The following SFRP5 variants were observed in gnomAD, a reference collection of about 807,000 sequenced individuals.
The protein encoded by SFRP5 is secreted frizzled-related protein 5.
A neutral mutation model predicts 27.0 loss-of-function variants in SFRP5; 22 were observed. The observed-to-expected ratio is 0.82, with a 90% confidence interval of 0.58 to 1.17. The LOEUF (loss-of-function observed/expected upper bound fraction) is 1.17, where lower values mean the gene tolerates loss of function less well. Ranked by LOEUF, SFRP5 falls within the 50% of genes most tolerant of loss-of-function variation. The probability of loss-of-function intolerance (pLI) is 0.00; values close to 1 mark genes in which losing one functional copy is unlikely to be tolerated. For missense variants in SFRP5, 406 were observed against 436.6 expected, an observed-to-expected ratio of 0.93 and a Z score of 0.63; for synonymous variants, 171 against 195.0, an observed-to-expected ratio of 0.88 and a Z score of 1.03.
In SFRP5 at chr10:97,771,901, C is replaced by G. The variant is rs1374546873; in HGVS notation, c.-68G>C. ...CTCGGTGCCCGGCGGCCCAGGTGTT[C>G]CGGCGTGCGCCCCCGGCCCTGACTC... is the stretch of plus-strand genomic sequence containing the variant. On this transcript the variant is annotated 5_prime_UTR_variant, in exon 1 of 3. Coordinates refer to ENST00000266066, the MANE Select transcript of SFRP5 (RefSeq NM_003015.3). The surrounding 1 kb of genome is among the most constrained non-coding windows in gnomAD (Gnocchi z 5.2). 1.0e-6 allele frequency: 1 copy of G among 986,432 alleles called. No individual in the cohort carries two copies. The highest frequency in any genetic ancestry group is 1.2e-6 in the Non-Finnish European group (1 of 827,632). The allele number at this position is 986,432 out of a possible 1,614,324, so 61.1% of individuals were successfully genotyped here.
rs35379499 is a variant in SFRP5, at chr10:97,767,816, G to C, written c.652C>G (p.Arg218Gly). ...TTTTTCTGGGCTCCAATCAGCTTCCGGTCCCCATTCTCTATCTTGATCTCC... is the reference window on the plus strand; with the variant it reads ...TTTTTCTGGGCTCCAATCAGCTTCCCGTCCCCATTCTCTATCTTGATCTCC... ...IKEIKIENGD[R>G]KLIGAQKKKK... is the part of the protein sequence containing the mutation. The change falls in exon 3 of 3, where the codon CGG becomes GGG. Residue 218 changes from arginine to glycine, a missense_variant. Physicochemically the swap from Arg to Gly is moderately radical, Grantham distance 125. Coordinates refer to ENST00000266066, the MANE Select transcript of SFRP5 (RefSeq NM_003015.3). 1 of 1,538,424 alleles carries C rather than the reference G, an allele frequency of 6.5e-7. No homozygotes were observed. Among genetic ancestry groups the C allele is most frequent in the Non-Finnish European group, 8.7e-7 (1 of 1,147,234 alleles).
In SFRP5 at chr10:97,771,274, G is replaced by C. The variant is rs1015953864; in HGVS notation, c.529+31C>G. ...TGCTAGGGGAGCTGCAGGGCCGTCG[G>C]AGCGCGCGGGGACGGCGGCGGCGGC... On this transcript the variant is annotated intron_variant, in intron 1 of 2. Transcript: ENST00000266066. This position sits in a 1 kb window ranked among gnomAD's most constrained non-coding sequence, Gnocchi z 5.2. The C allele has an allele frequency of 6.8e-7, 1 of 1,474,186 alleles. No homozygotes were observed. Among genetic ancestry groups the C allele is most frequent in the Admixed American group, 2.3e-5 (1 of 44,260 alleles). 91.3% of individuals were successfully genotyped at this position (1,474,186 alleles called of 1,614,324 possible).
In SFRP5 at chr10:97,771,492, G is replaced by T. The variant is rs377065101; in HGVS notation, c.342C>A (p.Pro114=). Residue 114 remains proline (P), a synonymous_variant, in exon 1 of 3, where the codon CCC becomes CCA. Coordinates refer to ENST00000266066, the MANE Select transcript of SFRP5 (RefSeq NM_003015.3). The surrounding 1 kb of genome is among the most constrained non-coding windows in gnomAD (Gnocchi z 5.2). ...TQVFLCSLFA[P]VCLDRPIYPC... is the part of the protein sequence containing the mutation. ...GGTAGATGGGCCGGTCGAGACAGAC[G>T]GGCGCAAAGAGCGAGCACAGGAAGA... The T allele has an allele frequency of 4.3e-6, 7 of 1,610,696 alleles. No homozygotes were observed. Among genetic ancestry groups the T allele is most frequent in the African/African-American group, 4.0e-5 (3 of 74,794 alleles).
At chr10:97,767,966 A>G (rs929447441) in intron 2 of SFRP5, 106 bp from the exon 3 acceptor site, 1 of 781,160 alleles carries the variant, frequency 1.3e-6, no homozygotes, top group African/African-American at 1.7e-5. Flanking sequence ...GGGGAGCCTG[A>G]TGCCCTGCGG....
intron 2 of SFRP5, among the ~76,000 whole-genome samples, chr10:97,769,347 T>A (rs1319154326): frequency 6.6e-6 from 1 of 152,184 alleles, no homozygotes; most frequent in Admixed American, 6.5e-5. Flanking sequence ...AAGCCTGCAC[T>A]ATCCACAGAG....
In SFRP5 at chr10:97,770,129, C is replaced by T. The variant is rs533560494; in HGVS notation, c.530-384G>A. Reference sequence around the variant, plus strand: ...TCACCCAGGCTGGAGTGCAGTGGCTCTCTAATCTCAGCTTACTGCAACCTC... The same window carrying T: ...TCACCCAGGCTGGAGTGCAGTGGCTTTCTAATCTCAGCTTACTGCAACCTC... On this transcript the variant is annotated intron_variant, in intron 1 of 2. Coordinates refer to ENST00000266066, the MANE Select transcript of SFRP5 (RefSeq NM_003015.3). Among the ~76,000 whole-genome samples, 8 of 152,354 alleles carry T rather than the reference C, an allele frequency of 5.3e-5. No homozygotes were observed. The East Asian group carries it at 1.4e-3, about 26-fold the overall frequency.
Position 97,767,706 on chromosome 10 carries a change from G to C in SFRP5, c.762C>G (p.Pro254=). ...VLHMKNGAGC[P]CPQLDSLAGS... ...CCGCCAGGCTGTCCAGCTGTGGGCA[G>C]GGGCAGCCCGCGCCATTCTTCATGT... The change falls in exon 3 of 3, where the codon CCC becomes CCG. Residue 254 remains proline, a synonymous_variant. Transcript: ENST00000266066. 21 of 1,613,990 alleles carry C rather than the reference G, an allele frequency of 1.3e-5. No homozygotes were observed. The highest frequency in any genetic ancestry group is 1.6e-5 in the Non-Finnish European group (19 of 1,179,940).
intron 2 of SFRP5, among the ~76,000 whole-genome samples, 197 bp from the exon 3 acceptor site, chr10:97,768,057 A>G (rs1288031090): frequency 2.0e-5 from 3 of 152,098 alleles, no homozygotes; most frequent in Admixed American, 1.3e-4. Context: ...GGACAGCATC[A>G]CGTTTCATCC....
At chr10:97,767,949 CG>C in intron 2 of SFRP5, 89 bp from the exon 3 acceptor site, 3 of 959,620 alleles carry the variant, frequency 3.1e-6, no homozygotes, top group Non-Finnish European at 4.6e-6. Flanking sequence ...TCTGGACCTT[CG>C]GGCTGGGGGA....
Position 97,771,671 on chromosome 10 carries a change from C to A in SFRP5, c.163G>T (p.Asp55Tyr). The change falls in exon 1 of 3, where the codon GAC (aspartate) becomes TAC (tyrosine). Residue 55 changes from aspartate (D) to tyrosine (Y), a missense_variant. Transcript: ENST00000266066. This position sits in a 1 kb window ranked among gnomAD's most constrained non-coding sequence, Gnocchi z 5.2. Reference sequence around the variant, plus strand: ...CAGAGCGGCAGGTCGGCAGGGATGTCAAGGCACTGCGGCGGCTTGGAGTAG... The same window carrying A: ...CAGAGCGGCAGGTCGGCAGGGATGTAAAGGCACTGCGGCGGCTTGGAGTAG... ...RSYSKPPQCL[D>Y]IPADLPLCHT... 1 of 1,602,276 alleles carries A rather than the reference C, an allele frequency of 6.2e-7. No individual in the cohort carries two copies.
At chr10:97,770,802 A>G (rs2049510658) in intron 1 of SFRP5, among the ~76,000 whole-genome samples, 2 of 152,094 alleles carry the variant, frequency 1.3e-5, no homozygotes, top group Non-Finnish European at 2.9e-5. Flanking sequence ...AGTCCAGAAC[A>G]TTCTTAGTCC....
Position 97,771,634 on chromosome 10 carries a change from C to T in SFRP5, c.200G>A (p.Gly67Asp), listed in dbSNP as rs777473084. 8.7e-6 allele frequency: 14 copies of T among 1,608,114 alleles called. No individual in the cohort carries two copies. The highest frequency in any genetic ancestry group is 1.1e-5 in the Non-Finnish European group (13 of 1,179,666). Residue 67 changes from glycine (G) to aspartate (D), a missense_variant, in exon 1 of 3, where the codon GGC becomes GAC. Gly to Asp is a moderately conservative substitution (Grantham distance 94, BLOSUM62 -1). Coordinates refer to ENST00000266066, the MANE Select transcript of SFRP5 (RefSeq NM_003015.3). The surrounding 1 kb of genome is among the most constrained non-coding windows in gnomAD (Gnocchi z 5.2). ...PADLPLCHTVGYKRMRLPNLL... is the reference protein window; with the variant it reads ...PADLPLCHTVDYKRMRLPNLL... The stretch of plus-strand genomic sequence containing the variant: ...GTTGGGCAGCCGCATGCGCTTGTAG[C>T]CCACCGTGTGGCAGAGCGGCAGGTC...
chr10:97,768,506 G>T (rs1404108983), intron 2 of SFRP5, among the ~76,000 whole-genome samples: 1 of 152,186 alleles, frequency 6.6e-6, no homozygotes, highest in Non-Finnish European at 1.5e-5. Flanking sequence ...ATGACTGGGT[G>T]TGGAGCTGGG....
rs1453710923 is a variant in SFRP5, at chr10:97,771,162, G to A, written c.529+143C>T. On this transcript the variant is annotated intron_variant, in intron 1 of 2. Transcript: ENST00000266066. This position sits in a 1 kb window ranked among gnomAD's most constrained non-coding sequence, Gnocchi z 5.2. The stretch of plus-strand genomic sequence containing the variant: ...GGGAAGGCTGCGGGGGATAATTCCG[G>A]GGACGCTGGGCTGAGCTAGGACAGC... 2 of 578,564 alleles carry A rather than the reference G, an allele frequency of 3.5e-6. No homozygotes were observed. Among genetic ancestry groups the A allele is most frequent in the African/African-American group, 4.0e-5 (2 of 50,348 alleles). 35.8% of individuals were successfully genotyped at this position (578,564 alleles called of 1,614,324 possible).
chr10:97,771,428 C>G lies in SFRP5; in HGVS notation c.406G>C (p.Ala136Pro). The stretch of plus-strand genomic sequence containing the variant: ...AAGCCGTAGGCCTCCATGAGCGGCG[C>G]GCAGCCGGCGCGCACGGCCTCGCAC... ...SLCEAVRAGCAPLMEAYGFPW... is the reference protein window; with the variant it reads ...SLCEAVRAGCPPLMEAYGFPW... Residue 136 changes from alanine to proline, a missense_variant, in exon 1 of 3, where the codon GCG becomes CCG. Transcript: ENST00000266066. The surrounding 1 kb of genome is among the most constrained non-coding windows in gnomAD (Gnocchi z 5.2). 6.2e-7 allele frequency: 1 copy of G among 1,612,966 alleles called. No homozygotes were observed. Among genetic ancestry groups the G allele is most frequent in the Non-Finnish European group, 8.5e-7 (1 of 1,179,550 alleles).
chr10:97,769,761 G>A lies in SFRP5; in HGVS notation c.530-16C>T, dbSNP rs2049505297. On this transcript the variant is annotated splice_polypyrimidine_tract_variant and intron_variant, in intron 1 of 2. Transcript: ENST00000266066. ...ATCTTGGTCACTGAAGAGAGAAAGT[G>A]GGGTGGGGTTGGGGGACAGTTGGTG... 4 of 1,606,482 alleles carry A rather than the reference G, an allele frequency of 2.5e-6. No individual in the cohort carries two copies. Among genetic ancestry groups the A allele is most frequent in the Non-Finnish European group, 2.6e-6 (3 of 1,173,806 alleles).
chr10:97,770,143 T>C (rs2049506895), intron 1 of SFRP5, among the ~76,000 whole-genome samples: 1 of 152,228 alleles, frequency 6.6e-6, no homozygotes, highest in African/African-American at 2.4e-5. Context: ...AATCTCAGCT[T>C]ACTGCAACCT....
At position 97,771,633 on chromosome 10, in the gene SFRP5, G is replaced by T; in HGVS notation, c.201C>A (p.Gly67=). 2 of 1,608,340 alleles carry T rather than the reference G, an allele frequency of 1.2e-6. No homozygotes were observed. The highest frequency in any genetic ancestry group is 8.5e-7 in the Non-Finnish European group (1 of 1,179,676). Residue 67 remains glycine (G), a synonymous_variant, in exon 1 of 3, where the codon GGC becomes GGA. Coordinates refer to ENST00000266066, the MANE Select transcript of SFRP5 (RefSeq NM_003015.3). The surrounding 1 kb of genome is among the most constrained non-coding windows in gnomAD (Gnocchi z 5.2). The stretch of plus-strand genomic sequence containing the variant: ...GGTTGGGCAGCCGCATGCGCTTGTA[G>T]CCCACCGTGTGGCAGAGCGGCAGGT... ...PADLPLCHTV[G]YKRMRLPNLL... is the part of the protein sequence containing the mutation.
chr10:97,771,050 AG>A lies in SFRP5; in HGVS notation c.529+254del, dbSNP rs760044498. ...TTGGATGGGTACTGAGAGGGGTGCC[AG>A]GGGTTTCCAGGGAACGAGAGCCAGA... is the stretch of plus-strand genomic sequence containing the variant. On this transcript the variant is annotated intron_variant, in intron 1 of 2. Coordinates refer to ENST00000266066, the MANE Select transcript of SFRP5 (RefSeq NM_003015.3). The surrounding 1 kb of genome is among the most constrained non-coding windows in gnomAD (Gnocchi z 5.2). Among the ~76,000 whole-genome samples the A allele has an allele frequency of 7.2e-5, 11 of 152,074 alleles. No individual in the cohort carries two copies. Among genetic ancestry groups the A allele is most frequent in the Non-Finnish European group, 1.6e-4 (11 of 68,012 alleles).
Sources: gnomAD v4.1 joint callset for allele counts (sites outside exome capture counted in the v4.1 genomes callset) on GRCh38, gnomAD v4.1.1 for gene constraint, Gnocchi (gnomAD v3.1) non-coding constraint, MANE v1.5 for transcripts, NCBI Gene and HGNC (gene_info 2026-07-23, HGNC 2026-07-21) for gene names.